Variants in EGF observed in about 807,000 individuals in gnomAD.
EGF encodes epidermal growth factor.
Under a neutral mutation model 143.8 loss-of-function variants are expected in EGF, and 95 were observed. The observed-to-expected ratio is 0.66, with a 90% confidence interval of 0.56 to 0.78. The LOEUF (loss-of-function observed/expected upper bound fraction) is 0.78, where lower values mean the gene tolerates loss of function less well. Among genes scored for constraint, EGF ranks in the 30% least tolerant of loss-of-function variants. EGF has a pLI of 0.00. For missense variants in EGF, 1,320 were observed against 1,470.9 expected (o/e 0.90, Z 1.68); for synonymous variants, 510 against 510.5 (o/e 1.00, Z 0.01).
intron 22 of EGF, among the ~76,000 whole-genome samples, chr4:110,007,337 C>A (rs572229455): frequency 3.7e-4 from 56 of 152,144 alleles, no homozygotes; most frequent in Non-Finnish European, 7.9e-4. Flanking sequence ...ACCAATGAAG[C>A]GTGATCGGCC....
chr4:109,926,765 A>G (rs1579467823), intron 1 of EGF, among the ~76,000 whole-genome samples: 1 of 152,240 alleles, frequency 6.6e-6, no homozygotes, highest in Non-Finnish European at 1.5e-5. Context: ...TGCTACCCAA[A>G]AAGTAACTAA....
chr4:109,950,306 C>T (rs988909240), intron 5 of EGF, among the ~76,000 whole-genome samples: 3 of 152,274 alleles, frequency 2.0e-5, no homozygotes, highest in African/African-American at 7.2e-5. Flanking sequence ...TCTCCCAAAG[C>T]GGAAACCGAG....
At chr4:109,981,000 AT>A in intron 15 of EGF, 25 bp downstream of exon 15, 1 of 1,613,978 alleles carries the variant, frequency 6.2e-7, no homozygotes, top group Non-Finnish European at 8.5e-7. Flanking sequence ...TATGTGGCAA[AT>A]TACCTAACGT....
intron 1 of EGF, among the ~76,000 whole-genome samples, chr4:109,935,366 G>C (rs569031400): frequency 2.6e-5 from 4 of 151,858 alleles, no homozygotes; most frequent in African/African-American, 9.7e-5. Flanking sequence ...TCTGTTATTG[G>C]TATATAGGAA....
At chr4:110,001,139 A>C (rs1752522693) in intron 21 of EGF, among the ~76,000 whole-genome samples, 2 of 152,214 alleles carry the variant, frequency 1.3e-5, no homozygotes. Flanking sequence ...ATAACACCAG[A>C]CATGTGTCCT....
chr4:110,002,085 GCTAA>G (rs755598253), intron 21 of EGF: 24 of 963,702 alleles, frequency 2.5e-5, no homozygotes, highest in South Asian at 4.8e-5. Flanking sequence ...AGTTAGACAT[GCTAA>G]CTGTTTTTCT....
intron 23 of EGF, 40 bp downstream of exon 23, chr4:110,008,270 T>TA: frequency 6.2e-7 from 1 of 1,610,514 alleles, no homozygotes; most frequent in Non-Finnish European, 8.5e-7. Flanking sequence ...TGGTTATTTT[T>TA]ACTTAGATCC....
At chr4:109,955,380 A>G (rs1001331536) in intron 5 of EGF, among the ~76,000 whole-genome samples, 62 of 152,194 alleles carry the variant, frequency 4.1e-4, no homozygotes, top group Admixed American at 3.7e-3. Context: ...GCTTTGGCCT[A>G]TTTTGAAGCT....
rs11568900 is a variant in EGF, at chr4:109,943,782, G to A, written c.510-60G>A. ...AAGGAGCTGCTGAAACATTGAGAGA[G>A]TTGGCCATTTAAGGCACTATACATT... On this transcript the variant is annotated intron_variant, in intron 3 of 23. Coordinates refer to ENST00000265171, the MANE Select transcript of EGF (RefSeq NM_001963.6). 99 of 1,414,670 alleles carry A rather than the reference G, an allele frequency of 7.0e-5. No individual in the cohort carries two copies. In the African/African-American group the frequency reaches 1.3e-3, roughly 19 times the overall value. 87.6% of individuals were successfully genotyped at this position (1,414,670 alleles called of 1,614,324 possible). A position where few individuals can be genotyped will look rare whatever the true frequency, so the allele number is the denominator to read the frequency against.
chr4:109,919,698 G>T (rs930100756), intron 1 of EGF, among the ~76,000 whole-genome samples: 3 of 150,188 alleles, frequency 2.0e-5, no homozygotes, highest in African/African-American at 7.6e-5. Context: ...CATTGGTGTG[G>T]CCAGAGATCA....
At chr4:109,959,192 G>C in intron 5 of EGF, 120 bp from the exon 6 acceptor site, 1 of 1,505,692 alleles carries the variant, frequency 6.6e-7, no homozygotes, top group South Asian at 1.2e-5. Context: ...GTTTGCCTCC[G>C]TGAGAGATGC....
intron 18 of EGF, among the ~76,000 whole-genome samples, chr4:109,992,742 A>G (rs947682890): frequency 3.9e-5 from 6 of 152,112 alleles, no homozygotes; most frequent in Non-Finnish European, 7.3e-5. Context: ...TGTGGCACAT[A>G]TACACCATGG....
At position 109,976,216 on chromosome 4, in the gene EGF, A is replaced by G; in HGVS notation, c.2034A>G (p.Arg678=). 1.2e-6 allele frequency: 2 copies of G among 1,614,008 alleles called. No homozygotes were observed. Among genetic ancestry groups the G allele is most frequent in the Non-Finnish European group, 1.7e-6 (2 of 1,179,964 alleles). The stretch of plus-strand genomic sequence containing the variant: ...ATCTGGATGGTTCAAAACGCCGAAG[A>G]CTTACCCAGAATGATGTAGGTGAGG... ...MANLDGSKRR[R]LTQNDVGHPF... The change falls in exon 13 of 24, where the codon AGA becomes AGG. Residue 678 remains arginine, a synonymous_variant. Coordinates refer to ENST00000265171, the MANE Select transcript of EGF (RefSeq NM_001963.6).
At chr4:109,917,716 G>A (rs1228420091) in intron 1 of EGF, among the ~76,000 whole-genome samples, 1 of 152,084 alleles carries the variant, frequency 6.6e-6, no homozygotes, top group Non-Finnish European at 1.5e-5. Context: ...CGCCTCCCAG[G>A]TTCAAGCAAT....
At chr4:109,957,171 A>C (rs536924893) in intron 5 of EGF, among the ~76,000 whole-genome samples, 25 of 152,214 alleles carry the variant, frequency 1.6e-4, no homozygotes, top group Non-Finnish European at 3.4e-4. Flanking sequence ...GAGGCAACTG[A>C]TTTAGACTGA....
intron 16 of EGF, among the ~76,000 whole-genome samples, chr4:109,984,324 G>GC (rs1245818666): frequency 6.6e-6 from 1 of 151,676 alleles, no homozygotes; most frequent in Non-Finnish European, 1.5e-5. Flanking sequence ...TTTGTGGTCT[G>GC]CAAACTACTT....
chr4:109,952,883 G>A (rs1744174940), intron 5 of EGF, among the ~76,000 whole-genome samples: 1 of 152,102 alleles, frequency 6.6e-6, no homozygotes, highest in African/African-American at 2.4e-5. Flanking sequence ...CTTGCTGCTG[G>A]CTCTCACATC....
rs187973314 is a variant in EGF at position 109,958,328 on chromosome 4, T to C, written c.941-984T>C. Among the ~76,000 whole-genome samples, 16 of 152,330 alleles carry C rather than the reference T, an allele frequency of 1.1e-4. No homozygotes were observed. The East Asian group carries it at 1.7e-3, about 17-fold the overall frequency. ...CCTAAGTTGGTTGAATCCACAGATA[T>C]GGAGGGCCAACTGTAGGTGTTACTA... On this transcript the variant is annotated intron_variant, in intron 5 of 23. Coordinates refer to ENST00000265171, the MANE Select transcript of EGF (RefSeq NM_001963.6).
Position 109,961,878 on chromosome 4 carries a change from C to T in EGF, c.1205C>T (p.Pro402Leu), listed in dbSNP as rs768396167. ...TATTAATTAGAACTTGTTTCCTGTC[C>T]ACGCAATGTGTCTGAATGCAGCCAT... is the stretch of plus-strand genomic sequence containing the variant. ...GKRCHQLVSC[P>L]RNVSECSHDC... is the part of the protein sequence containing the mutation. The change falls in exon 8 of 24, where the codon CCA becomes CTA. Residue 402 changes from proline to leucine, a missense_variant. Physicochemically the swap from Pro to Leu is moderately conservative, Grantham distance 98 (BLOSUM62 -3). Coordinates refer to ENST00000265171, the MANE Select transcript of EGF (RefSeq NM_001963.6). 1 of 1,613,764 alleles carries T rather than the reference C, an allele frequency of 6.2e-7. No homozygotes were observed. Among genetic ancestry groups the T allele is most frequent in the Non-Finnish European group, 8.5e-7 (1 of 1,179,768 alleles).
Sources: gnomAD v4.1 joint callset for allele counts (sites outside exome capture counted in the v4.1 genomes callset) on GRCh38, gnomAD v4.1.1 for gene constraint, MANE v1.5 for transcripts, NCBI Gene and HGNC (gene_info 2026-07-23, HGNC 2026-07-21) for gene names.